Variants in SH3D21 observed in about 807,000 individuals in gnomAD.
SH3D21 encodes the protein SH3 domain-containing protein 21.
Under a neutral mutation model 82.1 loss-of-function variants are expected in SH3D21, and 83 were observed. That is an observed-to-expected ratio of 1.01 (90% CI 0.85 to 1.21). SH3D21 has a LOEUF of 1.21. Ranked by LOEUF, SH3D21 falls within the 50% of genes most tolerant of loss-of-function variation. The probability of loss-of-function intolerance (pLI) is 0.00; values close to 1 mark genes in which losing one functional copy is unlikely to be tolerated. For missense variants in SH3D21, 980 were observed against 962.1 expected (o/e 1.02, Z -0.25); for synonymous variants, 383 against 387.8 (o/e 0.99, Z 0.15).
intron 10 of SH3D21, among the ~76,000 whole-genome samples, chr1:36,310,228 ACAAGCGTGAGC>A (rs1160403732): frequency 2.6e-5 from 4 of 152,232 alleles, no homozygotes; most frequent in Non-Finnish European, 4.4e-5. Flanking sequence ...TGCTGGGACT[ACAAGCGTGAGC>A]CACTGCGCCC....
Position 36,308,451 on chromosome 1 carries a change from C to T in SH3D21, c.702C>T (p.Asp234=), listed in dbSNP as rs757813224. The change falls in exon 9 of 16, where the codon GAC becomes GAT. Residue 234 remains aspartate (D), a synonymous_variant. Transcript: ENST00000453908. ...ECQGRRGVFP[D]NFVLPPPPIK... ...AAGGACGAAGAGGAGTTTTTCCAGACAACTTTGTACTCCCACCACCCCCAG... is the reference window on the plus strand; with the variant it reads ...AAGGACGAAGAGGAGTTTTTCCAGATAACTTTGTACTCCCACCACCCCCAG... The T allele has an allele frequency of 8.4e-6, 13 of 1,551,662 alleles. No homozygotes were observed. The highest frequency in any genetic ancestry group is 6.9e-5 in the African/African-American group (5 of 72,986).
Position 36,307,639 on chromosome 1 carries a change from G to T in SH3D21, c.436+32G>T, listed in dbSNP as rs989987735. ...CCTCGACTCTGTGACCCTGTGACTCGCAATCTCCAATGACCCTCCCAGTGG... is the reference window on the plus strand; with the variant it reads ...CCTCGACTCTGTGACCCTGTGACTCTCAATCTCCAATGACCCTCCCAGTGG... On this transcript the variant is annotated intron_variant, in intron 5 of 15. Coordinates refer to ENST00000453908, the MANE Select transcript of SH3D21 (RefSeq NM_001162530.2). This position sits in a 1 kb window ranked among gnomAD's most constrained non-coding sequence, Gnocchi z 5.4. The T allele has an allele frequency of 1.9e-5, 29 of 1,548,840 alleles. No individual in the cohort carries two copies. The highest frequency in any genetic ancestry group is 2.3e-5 in the Non-Finnish European group (26 of 1,145,068).
intron 10 of SH3D21, among the ~76,000 whole-genome samples, chr1:36,318,504 C>T (rs1257983221): frequency 6.6e-6 from 1 of 152,156 alleles, no homozygotes; most frequent in Non-Finnish European, 1.5e-5. Context: ...GGCGCGATGG[C>T]TCACACCTGT....
rs772864430 is a variant in SH3D21 at position 36,321,056 on chromosome 1, G to A, written c.2200G>A (p.Val734Ile). The A allele has an allele frequency of 2.3e-4, 368 of 1,611,090 alleles. 2 individuals carry two copies. The highest frequency in any genetic ancestry group is 3.1e-4 in the Non-Finnish European group (363 of 1,178,990). ...AAGTCTCCACCTCACTCCCGACCAG[G>A]TCCAGGTGATGCAGGGGACCCAGAA... ...SEKEQRRRLE[V>I]QVMQGTQKSQ... The change falls in exon 16 of 16, where the codon GTC becomes ATC. Residue 734 changes from valine to isoleucine, a missense_variant and splice_region_variant. By Grantham distance (29) the Val-to-Ile change is conservative (BLOSUM62 3). Transcript: ENST00000453908. The surrounding 1 kb of genome is among the most constrained non-coding windows in gnomAD (Gnocchi z 6.1).
Position 36,320,523 on chromosome 1 carries a change from G to A in SH3D21, c.1860G>A (p.Glu620=). Residue 620 remains glutamate (E), a synonymous_variant, in exon 14 of 16, where the codon GAG becomes GAA. Coordinates refer to ENST00000453908, the MANE Select transcript of SH3D21 (RefSeq NM_001162530.2). ...RPLREEVLPK[E]GVASKEEVTL... ...TGAGAGAGGAGGTGCTCCCCAAAGA[G>A]GGAGTGGCTTCCAAAGAGGAGGTGA... 1 of 1,614,156 alleles carries A rather than the reference G, an allele frequency of 6.2e-7. No individual in the cohort carries two copies. Among genetic ancestry groups the A allele is most frequent in the Non-Finnish European group, 8.5e-7 (1 of 1,180,018 alleles).
Position 36,320,029 on chromosome 1 carries a change from T to G in SH3D21, c.1366T>G (p.Ser456Ala). Residue 456 changes from serine to alanine, a missense_variant, in exon 14 of 16, where the codon TCC (serine) becomes GCC (alanine). Physicochemically the swap from Ser to Ala is moderately conservative, Grantham distance 99 (BLOSUM62 1). Transcript: ENST00000453908. The stretch of plus-strand genomic sequence containing the variant: ...AGAGAGGGTCTTTTCAGTGGAAGAG[T>G]CCCCTGCCCTAGAAGCCCCACCTAT... Reference protein sequence around the residue: ...TPERVFSVEESPALEAPPMDK... With the variant: ...TPERVFSVEEAPALEAPPMDK... The G allele has an allele frequency of 6.2e-7, 1 of 1,613,346 alleles. No homozygotes were observed. Among genetic ancestry groups the G allele is most frequent in the Non-Finnish European group, 8.5e-7 (1 of 1,179,886 alleles).
In SH3D21 at chr1:36,307,946, C is replaced by T. The variant is rs1178799546; in HGVS notation, c.521C>T (p.Pro174Leu). ...AGCAGCCTGGCCTATGACAGCCCTC[C>T]AGACTACCTGCAGACAGGTGAGCAC... ...KLSSLAYDSP[P>L]DYLQTVSHPE... is the part of the protein sequence containing the mutation. The change falls in exon 7 of 16, where the codon CCA becomes CTA. Residue 174 changes from proline (P) to leucine (L), a missense_variant. Pro to Leu is a moderately conservative substitution (Grantham distance 98). Coordinates refer to ENST00000453908, the MANE Select transcript of SH3D21 (RefSeq NM_001162530.2). This position sits in a 1 kb window ranked among gnomAD's most constrained non-coding sequence, Gnocchi z 5.4. 1 of 1,551,756 alleles carries T rather than the reference C, an allele frequency of 6.4e-7. No individual in the cohort carries two copies. Among genetic ancestry groups the T allele is most frequent in the Non-Finnish European group, 8.7e-7 (1 of 1,147,012 alleles).
At chr1:36,322,541 G>C, downstream of SH3D21, 1 of 1,598,124 alleles carries the variant, frequency 6.3e-7, no homozygotes, top group Non-Finnish European at 8.5e-7. Flanking sequence ...GAGTCACCGT[G>C]TCCTCCTCGT....
At chr1:36,326,834 C>A (rs1283742390), downstream of SH3D21, among the ~76,000 whole-genome samples, 4 of 152,112 alleles carry the variant, frequency 2.6e-5, no homozygotes, top group Non-Finnish European at 4.4e-5. Context: ...TGGGCTGGGG[C>A]ACCTGAGGAA....
At position 36,313,340 on chromosome 1, in the gene SH3D21, A is replaced by AATAT. The variant is rs1646277267; in HGVS notation, c.769+3753_769+3754insTATA. Among the ~76,000 whole-genome samples the AATAT allele has an allele frequency of 4.0e-5, 6 of 151,392 alleles. No individual in the cohort carries two copies. The South Asian group carries it at 1.3e-3, about 32-fold the overall frequency. On this transcript the variant is annotated intron_variant, in intron 10 of 15. Transcript: ENST00000453908. The stretch of plus-strand genomic sequence containing the variant: ...GACTCTGTCTCACAATAAATAAATA[A>AATAT]ATAAATAAATAAATAAGATGGGAAT...
rs1646138883 is a variant in SH3D21 at position 36,307,017 on chromosome 1, G to A, written c.226+112G>A. On this transcript the variant is annotated intron_variant, in intron 3 of 15. Transcript: ENST00000453908. This position sits in a 1 kb window ranked among gnomAD's most constrained non-coding sequence, Gnocchi z 5.4. ...CGGCTCTGGGCGGGACCTCGGGGCC[G>A]CCCTGCGGTCTGTGATTGGTTCTCG... The A allele has an allele frequency of 2.1e-6, 3 of 1,426,734 alleles. No individual in the cohort carries two copies. Among genetic ancestry groups the A allele is most frequent in the Non-Finnish European group, 9.2e-7 (1 of 1,085,132 alleles). The allele number at this position is 1,426,734 out of a possible 1,614,324, so 88.4% of individuals were successfully genotyped here.
In SH3D21 at chr1:36,307,313, G is replaced by C. The variant is rs572045174; in HGVS notation, c.345+28G>C. 2.6e-6 allele frequency: 4 copies of C among 1,551,094 alleles called. No individual in the cohort carries two copies. The highest frequency in any genetic ancestry group is 2.4e-5 in the East Asian group (1 of 40,900). On this transcript the variant is annotated intron_variant, in intron 4 of 15. Coordinates refer to ENST00000453908, the MANE Select transcript of SH3D21 (RefSeq NM_001162530.2). This position sits in a 1 kb window ranked among gnomAD's most constrained non-coding sequence, Gnocchi z 5.4. The stretch of plus-strand genomic sequence containing the variant: ...GAGGGGTGAGGTGATGGGACCGTTT[G>C]GGGGAGGATGATGGAACGCGCCTCC...
At chr1:36,322,992 C>T, downstream of SH3D21, 1 of 1,605,696 alleles carries the variant, frequency 6.2e-7, no homozygotes, top group Non-Finnish European at 8.5e-7. Flanking sequence ...GCGTAGGCAG[C>T]CAGGCTGTTG....
At chr1:36,321,477 C>T (rs1476750425), downstream of SH3D21, 23 of 936,300 alleles carry the variant, frequency 2.5e-5, no homozygotes, top group Non-Finnish European at 3.0e-5. The surrounding 1 kb of genome is among the most constrained non-coding windows in gnomAD (Gnocchi z 6.1). Flanking sequence ...GGGCTCTTGA[C>T]GCCCGGCCTA....
downstream of SH3D21, chr1:36,323,054 G>A: frequency 6.3e-7 from 1 of 1,597,588 alleles, no homozygotes; most frequent in African/African-American, 1.4e-5. Flanking sequence ...CTGGGGGGCA[G>A]CTCCCCTACC....
chr1:36,322,873 G>C, downstream of SH3D21: 3 of 1,539,204 alleles, frequency 1.9e-6, no homozygotes, highest in Non-Finnish European at 2.7e-6. Context: ...CAAGAGGGCG[G>C]GGAGCGGGGC....
intron 14 of SH3D21, 43 bp downstream of exon 14, chr1:36,320,841 CT>C (rs1312433394): frequency 6.4e-7 from 1 of 1,550,436 alleles, no homozygotes; most frequent in Non-Finnish European, 8.7e-7. Flanking sequence ...AGGGTTCCCC[CT>C]AGCCCTCACC....
rs1373635941 is a variant in SH3D21 at position 36,320,118 on chromosome 1, C to G, written c.1455C>G (p.Val485=). Residue 485 remains valine, a synonymous_variant, in exon 14 of 16, where the codon GTC becomes GTG. Coordinates refer to ENST00000453908, the MANE Select transcript of SH3D21 (RefSeq NM_001162530.2). ...LGDEAPTLEK[V]LTPELSEEEV... is the part of the protein sequence containing the mutation. ...ATGAGGCCCCCACTCTAGAAAAGGT[C>G]TTGACCCCAGAGCTTTCTGAAGAAG... 1.2e-6 allele frequency: 2 copies of G among 1,613,938 alleles called. No homozygotes were observed. Among genetic ancestry groups the G allele is most frequent in the Non-Finnish European group, 1.7e-6 (2 of 1,180,042 alleles).
At chr1:36,328,178 T>G (rs2124713479), downstream of SH3D21, 1 of 454,934 alleles carries the variant, frequency 2.2e-6, no homozygotes, top group African/African-American at 2.0e-5. Flanking sequence ...GGACAGGCCT[T>G]GATGGAAGGT....
Sources: allele counts gnomAD v4.1 joint callset (sites outside exome capture counted in the v4.1 genomes callset), GRCh38; gene constraint gnomAD v4.1.1; non-coding constraint Gnocchi (gnomAD v3.1); transcripts MANE v1.5; gene names NCBI Gene and HGNC (gene_info 2026-07-23, HGNC 2026-07-21).